SLC24A4: variants seen among roughly 807,000 people sequenced by gnomAD.
SLC24A4 encodes solute carrier family 24 member 4.
In SLC24A4, 53 loss-of-function variants were observed where a neutral mutation model predicts 79.0. The observed-to-expected ratio is 0.67, with a 90% CI of 0.54 to 0.84. The LOEUF is 0.84. SLC24A4 is among the 40% of genes least tolerant of loss of function. The probability of loss-of-function intolerance (pLI) is 0.00; values close to 1 mark genes in which losing one functional copy is unlikely to be tolerated. For synonymous variants in SLC24A4, 323 were observed against 323.8 expected (o/e 1.00, Z 0.03); for missense variants, 731 against 822.0 (o/e 0.89, Z 1.35).
At chr14:92,489,355 C>T (rs910814879) in intron 14 of SLC24A4, among the ~76,000 whole-genome samples, 2 of 152,088 alleles carry the variant, frequency 1.3e-5, no homozygotes, top group African/African-American at 4.8e-5. Context: ...AGGAGAATTG[C>T]TTGAACCCAG....
rs78786759 is a variant in SLC24A4 at position 92,445,090 on chromosome 14, C to T, written c.658-227C>T. 7.1e-3 allele frequency among the ~76,000 whole-genome samples: 1,075 copies of T among 152,222 alleles called. 14 individuals carry two copies. Among genetic ancestry groups the T allele is most frequent in the African/African-American group, 0.025 (1,026 of 41,538 alleles). ...ACTTGGACTGTTATAAAGCACAGGA[C>T]GTATCTCTGGGGGTGGCCATGCTAA... is the stretch of plus-strand genomic sequence containing the variant. On this transcript the variant is annotated intron_variant, in intron 7 of 16. Coordinates refer to ENST00000532405, the MANE Select transcript of SLC24A4 (RefSeq NM_153646.4).
In SLC24A4 at chr14:92,495,834, C is replaced by T. The variant is rs1336812641; in HGVS notation, c.*2206C>T. On this transcript the variant is annotated 3_prime_UTR_variant, in exon 17 of 17. Transcript: ENST00000532405. ...TATGACTTTACCCTCCTGGTTGGTT[C>T]TTACTGTTTGAGTCAAAACCTCATC... is the stretch of plus-strand genomic sequence containing the variant. 1 of 152,230 alleles carries T rather than the reference C, an allele frequency of 6.6e-6. No individual in the cohort carries two copies. The highest frequency in any genetic ancestry group is 1.5e-5 in the Non-Finnish European group (1 of 68,048). The allele number at this position is 152,230 out of a possible 1,614,324, so 9.4% of individuals were successfully genotyped here.
In SLC24A4 at chr14:92,379,972, A is replaced by G. The variant is rs550644397; in HGVS notation, c.242-53940A>G. Among the ~76,000 whole-genome samples the G allele has an allele frequency of 2.8e-3, 427 of 152,228 alleles. 1 individual carries two copies. Among genetic ancestry groups the G allele is most frequent in the African/African-American group, 8.9e-3 (369 of 41,524 alleles). Reference sequence around the variant, plus strand: ...TCAGTACTCCCTGACGTTGTGTCACATGGTATCATTGGGGTACTGGGGTAG... The same window carrying G: ...TCAGTACTCCCTGACGTTGTGTCACGTGGTATCATTGGGGTACTGGGGTAG... On this transcript the variant is annotated intron_variant, in intron 2 of 16. Transcript: ENST00000532405.
chr14:92,465,492 G>T (rs1371308432), intron 12 of SLC24A4, among the ~76,000 whole-genome samples: 1 of 152,198 alleles, frequency 6.6e-6, no homozygotes, highest in Non-Finnish European at 1.5e-5. Context: ...GAGCTTCAGG[G>T]TGGGGGCTGT....
chr14:92,438,452 A>AAATAG (rs3032677), intron 3 of SLC24A4, among the ~76,000 whole-genome samples: 3,353 of 152,154 alleles, frequency 0.022, 108 homozygotes, highest in African/African-American at 0.07. Context: ...CTCTACAAAA[A>AAATAG]TAATAATAAT....
chr14:92,447,508 C>T lies in SLC24A4; in HGVS notation c.737+84C>T, dbSNP rs1892868924. On this transcript the variant is annotated intron_variant, in intron 9 of 16. Transcript: ENST00000532405. ...CCTTTTGTGACAGCAGGGAGAAAAA[C>T]ATCTGTCAGATCTTTGTCCTTTTAG... The T allele has an allele frequency of 4.5e-6, 6 of 1,320,730 alleles. No individual in the cohort carries two copies. The Admixed American group carries it at 5.1e-5, about 11-fold the overall frequency. 81.8% of individuals were successfully genotyped at this position (1,320,730 alleles called of 1,614,324 possible).
chr14:92,451,325 T>C (rs1893124610), intron 10 of SLC24A4: 1 of 152,322 alleles, frequency 6.6e-6, no homozygotes, highest in South Asian at 2.1e-4. Context: ...GAGTCACTGT[T>C]CTGCACTGTC....
intron 10 of SLC24A4, chr14:92,451,659 A>G (rs995848194): frequency 1.3e-5 from 2 of 152,242 alleles, no homozygotes; most frequent in Admixed American, 6.5e-5. Context: ...TGACAGGAAA[A>G]GTGGGCAGAA....
intron 10 of SLC24A4, chr14:92,452,101 G>A (rs1459830165): frequency 5.3e-5 from 8 of 152,332 alleles, no homozygotes; most frequent in African/African-American, 1.9e-4. Context: ...ATTTAGATAA[G>A]GGCCAAGAGA....
At chr14:92,427,596 G>A (rs1281709771) in intron 2 of SLC24A4, among the ~76,000 whole-genome samples, 7 of 152,252 alleles carry the variant, frequency 4.6e-5, no homozygotes, top group Non-Finnish European at 8.8e-5. Context: ...CTCAAGAGCA[G>A]ATCAGCAGTA....
rs146018328 is a variant in SLC24A4, at chr14:92,336,676, G to C, written c.241+10698G>C. On this transcript the variant is annotated intron_variant, in intron 2 of 16. Transcript: ENST00000532405. ...CCCTGCTGTCAGTGAGCATGGGGAA[G>C]ACAGGCCAGGGCTCAAAAACCAGAC... is the stretch of plus-strand genomic sequence containing the variant. 2.7e-3 allele frequency among the ~76,000 whole-genome samples: 405 copies of C among 152,314 alleles called. 3 individuals are homozygous for C. The highest frequency in any genetic ancestry group is 9.4e-3 in the African/African-American group (392 of 41,568).
intron 12 of SLC24A4, among the ~76,000 whole-genome samples, chr14:92,474,829 A>ATGTGTGTGTGTGTG (rs1327061695): frequency 5.7e-5 from 5 of 87,554 alleles, no homozygotes; most frequent in Admixed American, 1.4e-4. Context: ...ATACATATAT[A>ATGTGTGTGTGTGTG]TGTGTGTGTG....
chr14:92,365,171 G>A (rs1048821438), intron 2 of SLC24A4, among the ~76,000 whole-genome samples: 2 of 152,248 alleles, frequency 1.3e-5, no homozygotes, highest in Non-Finnish European at 2.9e-5. Context: ...TCTCCAGAGC[G>A]CCCGGAGGGC....
chr14:92,387,322 A>G (rs1334393022), intron 2 of SLC24A4, among the ~76,000 whole-genome samples: 2 of 151,808 alleles, frequency 1.3e-5, no homozygotes, highest in Non-Finnish European at 2.9e-5. Context: ...GATTACAGGC[A>G]CCCACCACCA....
intron 2 of SLC24A4, among the ~76,000 whole-genome samples, chr14:92,390,621 C>G (rs897409525): frequency 4.6e-5 from 7 of 152,262 alleles, no homozygotes; most frequent in Admixed American, 3.3e-4. Context: ...TGTCCCCTGC[C>G]CCAGAATGGG....
chr14:92,409,104 A>G (rs1480247355), intron 2 of SLC24A4, among the ~76,000 whole-genome samples: 3 of 152,172 alleles, frequency 2.0e-5, no homozygotes, highest in Non-Finnish European at 2.9e-5. Context: ...GGCCTGTGGA[A>G]AATAGCTCCT....
At chr14:92,372,237 C>G (rs1888208491) in intron 2 of SLC24A4, among the ~76,000 whole-genome samples, 1 of 152,196 alleles carries the variant, frequency 6.6e-6, no homozygotes, top group African/African-American at 2.4e-5. Flanking sequence ...CTCCCAGCCC[C>G]TGGGACCTGG....
intron 2 of SLC24A4, among the ~76,000 whole-genome samples, chr14:92,372,921 CTTTCT>C (rs1888263242): frequency 8.8e-5 from 10 of 113,106 alleles, no homozygotes; most frequent in Admixed American, 8.7e-4. Context: ...TCCTTCCTTT[CTTTCT>C]CTTTCTTTCT....
intron 2 of SLC24A4, among the ~76,000 whole-genome samples, chr14:92,326,990 C>G (rs546496455): frequency 3.3e-5 from 5 of 152,094 alleles, no homozygotes; most frequent in African/African-American, 1.2e-4. Context: ...GCAGTCCCCA[C>G]GTGTTAAATT....
Sources: gnomAD v4.1 joint callset for allele counts (sites outside exome capture counted in the v4.1 genomes callset) on GRCh38, gnomAD v4.1.1 for gene constraint, MANE v1.5 for transcripts, NCBI Gene and HGNC (gene_info 2026-07-23, HGNC 2026-07-21) for gene names.